ANGPT4: variants seen among roughly 807,000 people sequenced by gnomAD.
The protein encoded by ANGPT4 is angiopoietin 4.
A neutral mutation model predicts 53.0 loss-of-function variants in ANGPT4; 50 were observed. The ratio of observed to expected loss-of-function variants is 0.94; its 90% CI spans 0.75 to 1.20. ANGPT4 has a LOEUF of 1.20. Among genes scored for constraint, ANGPT4 ranks in the 50% most tolerant of loss-of-function variants. ANGPT4 has a pLI of 0.00. For synonymous variants in ANGPT4, 251 were observed against 259.7 expected (o/e 0.97, Z 0.32); for missense variants, 648 against 637.1 (o/e 1.02, Z -0.18).
At chr20:912,750 T>C (rs1248745025) in intron 1 of ANGPT4, among the ~76,000 whole-genome samples, 1 of 152,054 alleles carries the variant, frequency 6.6e-6, no homozygotes, top group Non-Finnish European at 1.5e-5. Context: ...GCACTGGCAG[T>C]AGGACACAGC....
intron 1 of ANGPT4, among the ~76,000 whole-genome samples, chr20:892,753 G>A (rs181689339): frequency 1.4e-4 from 22 of 152,200 alleles, no homozygotes; most frequent in Admixed American, 1.3e-3. Flanking sequence ...GCTCACTGCA[G>A]CCTGAAACTA....
chr20:902,609 T>C (rs1260693646), intron 1 of ANGPT4, among the ~76,000 whole-genome samples: 1 of 152,226 alleles, frequency 6.6e-6, no homozygotes, highest in Non-Finnish European at 1.5e-5. Context: ...AGAAATAATA[T>C]AGGACTATAT....
At position 914,727 on chromosome 20, in the gene ANGPT4, T is replaced by A. The variant is rs1344466825; in HGVS notation, c.309+1179A>T. ...CTCCCTTTCCTTGGTAGCTCTCACTTAGGGACTCTGAAGAGTCCCATCTCA... is the reference window on the plus strand; with the variant it reads ...CTCCCTTTCCTTGGTAGCTCTCACTAAGGGACTCTGAAGAGTCCCATCTCA... On this transcript the variant is annotated intron_variant, in intron 1 of 8. Coordinates refer to ENST00000381922, the MANE Select transcript of ANGPT4 (RefSeq NM_015985.4). This position sits in a 1 kb window ranked among gnomAD's most constrained non-coding sequence, Gnocchi z 5.0. Among the ~76,000 whole-genome samples, 2 of 152,118 alleles carry A rather than the reference T, an allele frequency of 1.3e-5. No individual in the cohort carries two copies. Among genetic ancestry groups the A allele is most frequent in the African/African-American group, 4.8e-5 (2 of 41,404 alleles).
chr20:902,779 C>T (rs1270342829), intron 1 of ANGPT4, among the ~76,000 whole-genome samples: 1 of 152,070 alleles, frequency 6.6e-6, no homozygotes, highest in Non-Finnish European at 1.5e-5. Context: ...AGGTTAAGAC[C>T]CCTGAAGGCC....
At chr20:913,653 G>A (rs1205426790) in intron 1 of ANGPT4, among the ~76,000 whole-genome samples, 1 of 152,232 alleles carries the variant, frequency 6.6e-6, no homozygotes, top group Admixed American at 6.5e-5. Context: ...CGACACCCAG[G>A]GGATTCAAAG....
rs768523640 is a variant in ANGPT4 at position 915,978 on chromosome 20, C to T, written c.237G>A (p.Leu79=). The T allele has an allele frequency of 1.9e-6, 3 of 1,610,882 alleles. No homozygotes were observed. The highest frequency in any genetic ancestry group is 2.5e-6 in the Non-Finnish European group (3 of 1,177,552). ...TCACCTGCTGGGTGGGCAACTTCCCCAGGTGCAGTGGGTTGGCCAGTGATT... is the reference window on the plus strand; with the variant it reads ...TCACCTGCTGGGTGGGCAACTTCCCTAGGTGCAGTGGGTTGGCCAGTGATT... The part of the protein sequence containing the change: ...QRESLANPLH[L]GKLPTQQVKQ... Residue 79 remains leucine (L), a synonymous_variant, in exon 1 of 9, where the codon CTG becomes CTA. Transcript: ENST00000381922.
At chr20:901,792 C>G in intron 1 of ANGPT4, among the ~76,000 whole-genome samples, 1 of 152,152 alleles carries the variant, frequency 6.6e-6, no homozygotes, top group East Asian at 1.9e-4. Context: ...GTGCATGCCT[C>G]TAGTCTCAGC....
intron 1 of ANGPT4, among the ~76,000 whole-genome samples, chr20:892,840 C>T (rs73078197): frequency 0.012 from 1,806 of 152,300 alleles, 17 homozygotes; most frequent in Non-Finnish European, 0.019. Flanking sequence ...TTCCCCCCTT[C>T]GCTCTTTAAT....
intron 1 of ANGPT4, among the ~76,000 whole-genome samples, chr20:913,721 G>A (rs1248920460): frequency 6.6e-6 from 1 of 152,236 alleles, no homozygotes; most frequent in Admixed American, 6.5e-5. Flanking sequence ...GGTGATGACA[G>A]CATCCTGGGA....
At chr20:873,769 T>C (rs1434042858) in intron 8 of ANGPT4, among the ~76,000 whole-genome samples, 1 of 152,108 alleles carries the variant, frequency 6.6e-6, no homozygotes, top group Non-Finnish European at 1.5e-5. Context: ...AGCCTTGGTG[T>C]CTCTCTCTTT....
chr20:873,130 G>A lies in ANGPT4; in HGVS notation c.1352-10C>T, dbSNP rs753951698. ...GCGTCAAACCACCACCCTGGTGGAA[G>A]AGGGAGGACAGGCGCTTGGTGGAGG... is the stretch of plus-strand genomic sequence containing the variant. On this transcript the variant is annotated splice_polypyrimidine_tract_variant and intron_variant, in intron 8 of 8. Coordinates refer to ENST00000381922, the MANE Select transcript of ANGPT4 (RefSeq NM_015985.4). The A allele has an allele frequency of 5.8e-5, 94 of 1,613,250 alleles. 1 individual carries two copies. The highest frequency in any genetic ancestry group is 7.9e-5 in the Non-Finnish European group (93 of 1,179,792).
intron 1 of ANGPT4, among the ~76,000 whole-genome samples, chr20:907,237 G>A (rs1309603662): frequency 6.6e-6 from 1 of 152,110 alleles, no homozygotes; most frequent in Non-Finnish European, 1.5e-5. Flanking sequence ...TGGAATATTT[G>A]GGACTTCCCT....
intron 4 of ANGPT4, among the ~76,000 whole-genome samples, chr20:883,758 A>G (rs556862770): frequency 6.6e-6 from 1 of 152,376 alleles, no homozygotes; most frequent in African/African-American, 2.4e-5. Flanking sequence ...AGTGGGAGGC[A>G]TTGGGCCCAG....
At position 908,861 on chromosome 20, in the gene ANGPT4, G is replaced by A. The variant is rs1982586562; in HGVS notation, c.309+7045C>T. ...TGCATGATTTTTTCATGACATTTAT[G>A]GCATGCTATGTATCTTGTTGCCTCT... On this transcript the variant is annotated intron_variant, in intron 1 of 8. Transcript: ENST00000381922. This position sits in a 1 kb window ranked among gnomAD's most constrained non-coding sequence, Gnocchi z 4.9. Among the ~76,000 whole-genome samples, 4 of 152,288 alleles carry A rather than the reference G, an allele frequency of 2.6e-5. No individual in the cohort carries two copies. Among genetic ancestry groups the A allele is most frequent in the South Asian group, 4.1e-4 (2 of 4,820 alleles).
chr20:889,862 C>T (rs1401955860), intron 2 of ANGPT4, among the ~76,000 whole-genome samples: 1 of 152,192 alleles, frequency 6.6e-6, no homozygotes. Flanking sequence ...AGTCCTTGGC[C>T]CCAGAGGCCC....
At chr20:896,348 A>G (rs1982051524) in intron 1 of ANGPT4, among the ~76,000 whole-genome samples, 1 of 152,196 alleles carries the variant, frequency 6.6e-6, no homozygotes, top group Non-Finnish European at 1.5e-5. Context: ...ACAGGGTAAT[A>G]TGTGGGGTTG....
chr20:872,756 C>T lies in ANGPT4; in HGVS notation c.*204G>A, dbSNP rs73076057. On this transcript the variant is annotated 3_prime_UTR_variant, in exon 9 of 9. Coordinates refer to ENST00000381922, the MANE Select transcript of ANGPT4 (RefSeq NM_015985.4). ...GCGAGGACTACATCAGAGGGATGGG[C>T]CCCGAACACCCTCCATGTCACAGAC... 2 of 614,478 alleles carry T rather than the reference C, an allele frequency of 3.3e-6. No homozygotes were observed. Among genetic ancestry groups the T allele is most frequent in the Non-Finnish European group, 5.7e-6 (2 of 353,244 alleles). 38.1% of individuals were successfully genotyped at this position (614,478 alleles called of 1,614,324 possible).
In ANGPT4 at chr20:885,201, C is replaced by T; in HGVS notation, c.712G>A (p.Glu238Lys). 1 of 1,600,072 alleles carries T rather than the reference C, an allele frequency of 6.2e-7. No homozygotes were observed. Among genetic ancestry groups the T allele is most frequent in the Non-Finnish European group, 8.5e-7 (1 of 1,173,194 alleles). Residue 238 changes from glutamate (E) to lysine (K), a missense_variant, in exon 4 of 9, where the codon GAG becomes AAG. Physicochemically the swap from Glu to Lys is moderately conservative, Grantham distance 56. Coordinates refer to ENST00000381922, the MANE Select transcript of ANGPT4 (RefSeq NM_015985.4). ...SRQSAALTNI[E>K]RGLRGVRHNS... ...TGCCTGACACCGCGCAGGCCGCGCTCGATGTTGGTGAGGGCGGCGCTCTGG... is the reference window on the plus strand; with the variant it reads ...TGCCTGACACCGCGCAGGCCGCGCTTGATGTTGGTGAGGGCGGCGCTCTGG...
Position 908,431 on chromosome 20 carries a change from C to T in ANGPT4, c.309+7475G>A, listed in dbSNP as rs1217304873. Among the ~76,000 whole-genome samples, 1 of 152,208 alleles carries T rather than the reference C, an allele frequency of 6.6e-6. No homozygotes were observed. The highest frequency in any genetic ancestry group is 6.5e-5 in the Admixed American group (1 of 15,290). ...TTTCCCTGTCTCGCCACTGCCAACC[C>T]AGCCTTTAGATCTCAGCTCTGTCCT... is the stretch of plus-strand genomic sequence containing the variant. On this transcript the variant is annotated intron_variant, in intron 1 of 8. Coordinates refer to ENST00000381922, the MANE Select transcript of ANGPT4 (RefSeq NM_015985.4). This position sits in a 1 kb window ranked among gnomAD's most constrained non-coding sequence, Gnocchi z 4.9.
Sources: gnomAD v4.1 joint callset for allele counts (sites outside exome capture counted in the v4.1 genomes callset) on GRCh38, gnomAD v4.1.1 for gene constraint, Gnocchi (gnomAD v3.1) non-coding constraint, MANE v1.5 for transcripts, NCBI Gene and HGNC (gene_info 2026-07-23, HGNC 2026-07-21) for gene names.